The following EDN3 variants were observed in gnomAD, a reference collection of about 807,000 sequenced individuals.
The protein encoded by EDN3 is endothelin-3.
EDN3 carries 9 observed loss-of-function variants against 21.4 expected under a neutral mutation model. That is an observed-to-expected ratio of 0.42 (90% CI 0.25 to 0.73). The LOEUF is 0.73. Ranked by LOEUF, EDN3 falls within the 30% of genes least tolerant of loss-of-function variation. EDN3 has a pLI of 0.26. For missense variants in EDN3, 327 were observed against 309.4 expected (o/e 1.06, Z -0.43); for synonymous variants, 133 against 126.2 (o/e 1.05, Z -0.36).
intron 2 of EDN3, among the ~76,000 whole-genome samples, chr20:59,320,670 C>G (rs180950264): frequency 9.8e-5 from 15 of 152,338 alleles, no homozygotes; most frequent in South Asian, 4.1e-4. Context: ...GCGTTCAGGC[C>G]ACACCTGCAG....
At chr20:59,304,036 T>C (rs2146824111) in intron 2 of EDN3, among the ~76,000 whole-genome samples, 1 of 152,126 alleles carries the variant, frequency 6.6e-6, no homozygotes, top group African/African-American at 2.4e-5. Flanking sequence ...GCCTCCCTCC[T>C]TTCTTTCTTA....
intron 2 of EDN3, among the ~76,000 whole-genome samples, chr20:59,312,024 A>C (rs374105599): frequency 1.3e-5 from 2 of 148,404 alleles, no homozygotes; most frequent in Admixed American, 1.3e-4. Context: ...AGCATGTATC[A>C]TGGTGTCGGC....
At chr20:59,303,629 G>A (rs1262662570) in intron 2 of EDN3, among the ~76,000 whole-genome samples, 2 of 152,186 alleles carry the variant, frequency 1.3e-5, no homozygotes, top group Admixed American at 1.3e-4. Flanking sequence ...CGGAGCACTG[G>A]CTGGGGAGGA....
At chr20:59,301,787 G>A in intron 2 of EDN3, 65 bp downstream of exon 2, 1 of 1,564,958 alleles carries the variant, frequency 6.4e-7, no homozygotes, top group Non-Finnish European at 8.8e-7. Context: ...CTCATTCCCA[G>A]GAGGACCTCA....
chr20:59,304,876 G>A (rs1989291438), intron 2 of EDN3, among the ~76,000 whole-genome samples: 1 of 152,162 alleles, frequency 6.6e-6, no homozygotes. Context: ...CACCCAGCAT[G>A]GCATGGATGC....
In EDN3 at chr20:59,325,206, G is replaced by A. The variant is rs1450465554; in HGVS notation, c.*747G>A. ...ACAGTGGAGTTCCCAGGCCTTGTTT[G>A]CAGGAAGCCGACTGTAAAGACAGCC... On this transcript the variant is annotated 3_prime_UTR_variant, in exon 5 of 5. Transcript: ENST00000337938. 6.6e-6 allele frequency: 1 copy of A among 152,346 alleles called. No individual in the cohort carries two copies. The highest frequency in any genetic ancestry group is 1.5e-5 in the Non-Finnish European group (1 of 68,076). The allele number at this position is 152,346 out of a possible 1,614,324, so 9.4% of individuals were successfully genotyped here. A position where few individuals can be genotyped will look rare whatever the true frequency, so the allele number is the denominator to read the frequency against.
chr20:59,308,802 T>C (rs1367473570), intron 2 of EDN3, among the ~76,000 whole-genome samples: 2 of 152,194 alleles, frequency 1.3e-5, no homozygotes, highest in Middle Eastern at 3.2e-3. Flanking sequence ...AATCCTGTGA[T>C]TGGAGGATGC....
intron 4 of EDN3, chr20:59,323,837 T>A (rs1990689665): frequency 2.1e-6 from 1 of 479,596 alleles, no homozygotes; most frequent in South Asian, 5.7e-5. Context: ...ATTATTACTG[T>A]TCTATGTCAC....
At chr20:59,302,415 C>A (rs992568186) in intron 2 of EDN3, among the ~76,000 whole-genome samples, 5 of 152,160 alleles carry the variant, frequency 3.3e-5, no homozygotes, top group African/African-American at 1.2e-4. Context: ...CTAGACAGCA[C>A]CATCCTGAAT....
At chr20:59,320,534 G>C (rs887759748) in intron 2 of EDN3, among the ~76,000 whole-genome samples, 1 of 152,238 alleles carries the variant, frequency 6.6e-6, no homozygotes, top group Admixed American at 6.5e-5. Flanking sequence ...ATGGAATGAG[G>C]AGGAGGCCCA....
intron 2 of EDN3, among the ~76,000 whole-genome samples, chr20:59,315,642 C>T (rs980107927): frequency 2.6e-4 from 39 of 152,290 alleles, no homozygotes; most frequent in Non-Finnish European, 5.0e-4. Flanking sequence ...TATCTGCCTT[C>T]GCTTTATGGA....
chr20:59,319,294 G>A (rs754549157), intron 2 of EDN3, among the ~76,000 whole-genome samples: 11 of 152,162 alleles, frequency 7.2e-5, no homozygotes, highest in Non-Finnish European at 1.5e-4. Context: ...AGGCGGGGGC[G>A]GGGGACTCCC....
At chr20:59,306,222 A>T (rs1989400862) in intron 2 of EDN3, among the ~76,000 whole-genome samples, 1 of 152,122 alleles carries the variant, frequency 6.6e-6, no homozygotes. Flanking sequence ...GGCAGATAGG[A>T]ATGTAGTTAT....
In EDN3 at chr20:59,301,419, C is replaced by G. The variant is rs769802593; in HGVS notation, c.62C>G (p.Pro21Arg). The G allele has an allele frequency of 6.2e-7, 1 of 1,611,208 alleles. No homozygotes were observed. The highest frequency in any genetic ancestry group is 1.1e-5 in the South Asian group (1 of 91,054). Residue 21 changes from proline (P) to arginine (R), a missense_variant, in exon 2 of 5, where the codon CCT (proline) becomes CGT (arginine). Coordinates refer to ENST00000337938, the MANE Select transcript of EDN3 (RefSeq NM_207034.3). ...LTVTSAAGFV[P>R]CSQSGDAGRR... The stretch of plus-strand genomic sequence containing the variant: ...AATCTGCCTTCTGCAGGATTCGTGC[C>G]TTGCTCCCAGTCTGGGGATGCTGGC...
chr20:59,318,883 C>T (rs916467029), intron 2 of EDN3, among the ~76,000 whole-genome samples: 2 of 152,094 alleles, frequency 1.3e-5, no homozygotes, highest in African/African-American at 4.8e-5. Flanking sequence ...GAAATGGGAG[C>T]GTTGTTATTC....
chr20:59,302,502 G>T (rs1989117364), intron 2 of EDN3, among the ~76,000 whole-genome samples: 1 of 152,096 alleles, frequency 6.6e-6, no homozygotes, highest in Non-Finnish European at 1.5e-5. Flanking sequence ...CTGACAGGGG[G>T]AGGCTTTGAT....
intron 2 of EDN3, among the ~76,000 whole-genome samples, chr20:59,313,350 AG>A (rs1444631757): frequency 6.6e-6 from 1 of 152,178 alleles, no homozygotes; most frequent in Non-Finnish European, 1.5e-5. Flanking sequence ...TTGCTGAGCC[AG>A]GGGGTTGTGC....
rs1989351497 is a variant in EDN3, at chr20:59,305,581, G to A, written c.365+3859G>A. On this transcript the variant is annotated intron_variant, in intron 2 of 4. Coordinates refer to ENST00000337938, the MANE Select transcript of EDN3 (RefSeq NM_207034.3). The surrounding 1 kb of genome is among the most constrained non-coding windows in gnomAD (Gnocchi z 4.2). ...GGACTTTTATGGAGGATAAACAGAA[G>A]TTATGGGCAATGTCCCTCCAGAGAT... Among the ~76,000 whole-genome samples, 1 of 152,228 alleles carries A rather than the reference G, an allele frequency of 6.6e-6. No individual in the cohort carries two copies. The highest frequency in any genetic ancestry group is 2.1e-4 in the South Asian group (1 of 4,834).
intron 2 of EDN3, among the ~76,000 whole-genome samples, chr20:59,310,132 C>T (rs931908466): frequency 2.0e-5 from 3 of 152,152 alleles, no homozygotes; most frequent in African/African-American, 7.2e-5. Flanking sequence ...GGGAGGCAAA[C>T]AATGCTTCTG....
Sources: gnomAD v4.1 joint callset for allele counts (sites outside exome capture counted in the v4.1 genomes callset) on GRCh38, gnomAD v4.1.1 for gene constraint, Gnocchi (gnomAD v3.1) non-coding constraint, MANE v1.5 for transcripts, NCBI Gene and HGNC (gene_info 2026-07-23, HGNC 2026-07-21) for gene names.